KIAA0513: variants seen among roughly 807,000 people sequenced by gnomAD.
KIAA0513 encodes the protein uncharacterized protein KIAA0513.
In KIAA0513, 39 loss-of-function variants were observed where a neutral mutation model predicts 56.5. That is an observed-to-expected ratio of 0.69 (90% confidence interval 0.53 to 0.90). KIAA0513 has a LOEUF of 0.90. KIAA0513 is among the 40% of genes least tolerant of loss of function. The pLI is 0.00. For synonymous variants in KIAA0513, 268 were observed against 215.6 expected (o/e 1.24, Z -2.13); for missense variants, 591 against 535.2 (o/e 1.10, Z -1.03).
chr16:85,081,259 C>T lies in KIAA0513; in HGVS notation c.903-56C>T. The T allele has an allele frequency of 6.5e-7, 1 of 1,531,062 alleles. No homozygotes were observed. The highest frequency in any genetic ancestry group is 9.0e-7 in the Non-Finnish European group (1 of 1,105,450). The allele number at this position is 1,531,062 out of a possible 1,614,324, so 94.8% of individuals were successfully genotyped here. ...TGTTTATCCCTCAAGGGGCCCACAA[C>T]CCGTGTCCTCCCCGCCTCCCCTTGG... On this transcript the variant is annotated intron_variant, in intron 8 of 12. Coordinates refer to ENST00000683363, the MANE Select transcript of KIAA0513 (RefSeq NM_001388359.1). The surrounding 1 kb of genome is among the most constrained non-coding windows in gnomAD (Gnocchi z 4.4).
At chr16:85,029,831 A>G (rs887528441) in intron 1 of KIAA0513, among the ~76,000 whole-genome samples, 1 of 152,068 alleles carries the variant, frequency 6.6e-6, no homozygotes, top group Non-Finnish European at 1.5e-5. Flanking sequence ...TCCCATGCAG[A>G]CTCTTGGCTG....
At chr16:85,079,235 C>A in intron 8 of KIAA0513, 2 of 818,272 alleles carry the variant, frequency 2.4e-6, no homozygotes, top group Non-Finnish European at 3.6e-6. Flanking sequence ...GAGAAACAGT[C>A]TGGCAGTTCC....
chr16:85,078,033 A>G (rs2073684514), intron 6 of KIAA0513, among the ~76,000 whole-genome samples: 1 of 152,116 alleles, frequency 6.6e-6, no homozygotes, highest in African/African-American at 2.4e-5. Flanking sequence ...CACTCGAGGA[A>G]TGCTTTGGGG....
intron 11 of KIAA0513, 28 bp from the exon 12 acceptor site, chr16:85,087,044 G>T: frequency 1.2e-6 from 2 of 1,608,316 alleles, no homozygotes; most frequent in South Asian, 2.2e-5. Context: ...GAGGCCAGCG[G>T]GTGACGCTCT....
intron 1 of KIAA0513, among the ~76,000 whole-genome samples, chr16:85,034,876 C>A (rs1357983604): frequency 6.6e-6 from 1 of 152,176 alleles, no homozygotes; most frequent in East Asian, 1.9e-4. Context: ...TGGGTCAGGG[C>A]AGCCCATCTC....
rs113807491 is a variant in KIAA0513, at chr16:85,082,295, G to C, written c.981-269G>C. On this transcript the variant is annotated intron_variant, in intron 9 of 12. Coordinates refer to ENST00000683363, the MANE Select transcript of KIAA0513 (RefSeq NM_001388359.1). ...GAGGGGCTCGTGGAGAGGGAAAGAC[G>C]CTGAGACTGCCCGAGGAGCCTCGAG... 9.5e-3 allele frequency among the ~76,000 whole-genome samples: 1,450 copies of C among 152,178 alleles called. 22 individuals are homozygous for C. The highest frequency in any genetic ancestry group is 0.033 in the African/African-American group (1,369 of 41,524).
At chr16:85,057,757 C>CTTTT (rs1460366309) in intron 1 of KIAA0513, among the ~76,000 whole-genome samples, 14 of 147,778 alleles carry the variant, frequency 9.5e-5, no homozygotes, top group South Asian at 4.2e-4. Flanking sequence ...GCTGCCTCTG[C>CTTTT]TTTTTGTTTT....
intron 1 of KIAA0513, among the ~76,000 whole-genome samples, chr16:85,045,176 A>G (rs1359367541): frequency 6.6e-6 from 1 of 152,158 alleles, no homozygotes; most frequent in Non-Finnish European, 1.5e-5. Flanking sequence ...CATCATGTCA[A>G]TGGTCTGTAG....
intron 1 of KIAA0513, among the ~76,000 whole-genome samples, chr16:85,055,782 C>T (rs1036212586): frequency 7.9e-5 from 12 of 152,194 alleles, no homozygotes; most frequent in African/African-American, 2.4e-4. Flanking sequence ...TTGGTTTTTT[C>T]GGAGATGAGA....
rs2073859093 is a variant in KIAA0513 at position 85,090,705 on chromosome 16, T to C, written c.*2380T>C. The C allele has an allele frequency of 6.6e-6, 1 of 152,300 alleles. No individual in the cohort carries two copies. The highest frequency in any genetic ancestry group is 1.5e-5 in the Non-Finnish European group (1 of 68,088). 9.4% of individuals were successfully genotyped at this position (152,300 alleles called of 1,614,324 possible). A position where few individuals can be genotyped will look rare whatever the true frequency, so the allele number is the denominator to read the frequency against. On this transcript the variant is annotated 3_prime_UTR_variant, in exon 13 of 13. Coordinates refer to ENST00000683363, the MANE Select transcript of KIAA0513 (RefSeq NM_001388359.1). ...AGGCTGACAGAGAAGGTCTCCTCTG[T>C]GCTCCATCCACACAGGATGCCGGAG...
rs2073600495 is a variant in KIAA0513, at chr16:85,072,963, C to T, written c.468C>T (p.Tyr156=). 6.2e-7 allele frequency: 1 copy of T among 1,614,204 alleles called. No homozygotes were observed. Among genetic ancestry groups the T allele is most frequent in the South Asian group, 1.1e-5 (1 of 91,084 alleles). The change falls in exon 4 of 13, where the codon TAC becomes TAT. Residue 156 remains tyrosine (Y), a synonymous_variant. Coordinates refer to ENST00000683363, the MANE Select transcript of KIAA0513 (RefSeq NM_001388359.1). ...NSKCVSEATF[Y]RLVQSFAVVL... is the part of the protein sequence containing the mutation. ...AGTGTGTCTCAGAGGCAACCTTCTA[C>T]CGCCTGGTGCAGTCTTTTGCAGTGG...
intron 2 of KIAA0513, among the ~76,000 whole-genome samples, chr16:85,067,727 C>CG (rs1425165480): frequency 1.3e-5 from 2 of 152,188 alleles, no homozygotes; most frequent in Non-Finnish European, 2.9e-5. Context: ...TGGAGGGACA[C>CG]GCTCCGGAGT....
chr16:85,086,954 T>C (rs2073816281), intron 11 of KIAA0513, 118 bp from the exon 12 acceptor site: 1 of 1,000,656 alleles, frequency 1.0e-6, no homozygotes. Flanking sequence ...CAGTGCGTTT[T>C]AGTTTCTGCT....
intron 1 of KIAA0513, among the ~76,000 whole-genome samples, chr16:85,046,421 A>G (rs1395617176): frequency 6.6e-6 from 1 of 152,178 alleles, no homozygotes; most frequent in Non-Finnish European, 1.5e-5. Context: ...CCTTTCCCAC[A>G]TAACCTGATG....
chr16:85,045,023 C>A (rs913050161), intron 1 of KIAA0513, among the ~76,000 whole-genome samples: 7 of 152,030 alleles, frequency 4.6e-5, no homozygotes, highest in Non-Finnish European at 1.0e-4. Context: ...GAGGCTGAGG[C>A]AGGAGAACGG....
At chr16:85,029,369 G>C (rs2072931860) in intron 1 of KIAA0513, among the ~76,000 whole-genome samples, 1 of 152,314 alleles carries the variant, frequency 6.6e-6, no homozygotes, top group East Asian at 1.9e-4. Flanking sequence ...GTGAAGGTTG[G>C]TTTGCATTAT....
chr16:85,088,210 A>G, intron 12 of KIAA0513, 66 bp from the exon 13 acceptor site: 2 of 1,453,248 alleles, frequency 1.4e-6, no homozygotes, highest in African/African-American at 1.4e-5. Flanking sequence ...CCGAGTGACA[A>G]GAGCAGGATA....
At position 85,090,612 on chromosome 16, in the gene KIAA0513, T is replaced by C. The variant is rs2073858054; in HGVS notation, c.*2287T>C. On this transcript the variant is annotated 3_prime_UTR_variant, in exon 13 of 13. Transcript: ENST00000683363. ...AGGGGAGGAAAGGGTTGGGGTTTTC[T>C]TTGTTTGTTTGTTTGTTTCCCCCTT... is the stretch of plus-strand genomic sequence containing the variant. 1.3e-5 allele frequency: 2 copies of C among 152,244 alleles called. No homozygotes were observed. Among genetic ancestry groups the C allele is most frequent in the Non-Finnish European group, 2.9e-5 (2 of 68,106 alleles). The allele number at this position is 152,244 out of a possible 1,614,324, so 9.4% of individuals were successfully genotyped here. A position where few individuals can be genotyped will look rare whatever the true frequency, so the allele number is the denominator to read the frequency against.
intron 10 of KIAA0513, 90 bp from the exon 11 acceptor site, chr16:85,086,554 C>T (rs1256508118): frequency 2.2e-5 from 28 of 1,275,798 alleles, no homozygotes; most frequent in Non-Finnish European, 2.9e-5. Flanking sequence ...ACATGGGTGC[C>T]GCCAGCACCT....
Sources: gnomAD v4.1 joint callset for allele counts (sites outside exome capture counted in the v4.1 genomes callset) on GRCh38, gnomAD v4.1.1 for gene constraint, Gnocchi (gnomAD v3.1) non-coding constraint, MANE v1.5 for transcripts, NCBI Gene and HGNC (gene_info 2026-07-23, HGNC 2026-07-21) for gene names.